The following PECAM1 variants were observed in gnomAD, a reference collection of about 807,000 sequenced individuals.
The protein encoded by PECAM1 is platelet endothelial cell adhesion molecule.
A neutral mutation model predicts 13.8 loss-of-function variants in PECAM1; 8 were observed. That is an observed-to-expected ratio of 0.58 (90% confidence interval 0.34 to 1.05). PECAM1 has a LOEUF of 1.05. PECAM1 is among the 50% of genes least tolerant of loss of function. The probability of loss-of-function intolerance (pLI) is 0.03; values close to 1 mark genes in which losing one functional copy is unlikely to be tolerated. For synonymous variants in PECAM1, 136 were observed against 52.6 expected (o/e 2.58, Z -6.86); for missense variants, 304 against 141.2 (o/e 2.15, Z -5.84).
intron 14 of PECAM1, among the ~76,000 whole-genome samples, chr17:64,339,290 C>T (rs903703058): frequency 4.1e-4 from 62 of 152,142 alleles, no homozygotes; most frequent in Non-Finnish European, 7.5e-4. Context: ...GGCTGGCTTG[C>T]TGCGTGATCT....
chr17:64,328,259 G>GTCTCCT (rs199802004), intron 15 of PECAM1, among the ~76,000 whole-genome samples: 10,757 of 152,284 alleles, frequency 0.071, 479 homozygotes, highest in Non-Finnish European at 0.11. Context: ...TATCGCTTCA[G>GTCTCCT]GAGAACACAT....
Position 64,341,778 on chromosome 17 carries a change from C to T in PECAM1, c.2108-88G>A, listed in dbSNP as rs1234939420. 5 of 408,684 alleles carry T rather than the reference C, an allele frequency of 1.2e-5. No homozygotes were observed. In the East Asian group the frequency reaches 1.8e-4, roughly 15 times the overall value. The allele number at this position is 408,684 out of a possible 1,614,324, so 25.3% of individuals were successfully genotyped here. ...TCATAGGAAAAGGTCTGAGGCTCTGCAGGCAAGGCTGTACCCCACCACTGC... is the reference window on the plus strand; with the variant it reads ...TCATAGGAAAAGGTCTGAGGCTCTGTAGGCAAGGCTGTACCCCACCACTGC... On this transcript the variant is annotated intron_variant, in intron 13 of 15. Transcript: ENST00000563924.
chr17:64,324,379 A>T (rs1295729098), intron 15 of PECAM1, among the ~76,000 whole-genome samples: 1 of 152,064 alleles, frequency 6.6e-6, no homozygotes, highest in Non-Finnish European at 1.5e-5. Flanking sequence ...TCCTGCCCGT[A>T]TGTATTTCTC....
intron 5 of PECAM1, among the ~76,000 whole-genome samples, chr17:64,364,378 C>T (rs572626230): frequency 2.0e-5 from 3 of 151,820 alleles, no homozygotes. Flanking sequence ...GATTCACAGC[C>T]GAATTCTACC....
At chr17:64,363,463 A>G (rs1413606470) in intron 5 of PECAM1, 66 bp from the exon 6 acceptor site, 5 of 472,786 alleles carry the variant, frequency 1.1e-5, no homozygotes, top group Non-Finnish European at 1.9e-5. Flanking sequence ...CCCTTCCTGG[A>G]GAGGCCCTTG....
At chr17:64,331,634 T>C (rs984465330) in intron 14 of PECAM1, among the ~76,000 whole-genome samples, 2 of 152,216 alleles carry the variant, frequency 1.3e-5, no homozygotes, top group Admixed American at 1.3e-4. Flanking sequence ...AGGTGGTGGG[T>C]GATCCCTGCC....
At position 64,322,404 on chromosome 17, in the gene PECAM1, A is replaced by G; in HGVS notation, c.*1412T>C. On this transcript the variant is annotated 3_prime_UTR_variant, in exon 16 of 16. Transcript: ENST00000563924. ...TCCGTCTCAAAACAACAAAACAAAA[A>G]CATAGACCTGCTCGGTTCTCTCTGT... The G allele has an allele frequency of 1.0e-6, 1 of 986,764 alleles. No homozygotes were observed. The highest frequency in any genetic ancestry group is 1.7e-5 in the African/African-American group (1 of 57,314). The allele number at this position is 986,764 out of a possible 1,614,324, so 61.1% of individuals were successfully genotyped here.
chr17:64,377,623 A>AGGAAGGAAGGAAGGAAGGAAGGAAGGAC, intron 3 of PECAM1: 1 of 378,074 alleles, frequency 2.6e-6, no homozygotes, highest in Non-Finnish European at 4.7e-6. Context: ...AAAGAAAGGA[A>AGGAAGGAAGGAAGGAAGGAAGGAAGGAC]GGAAGGAAGG....
intron 2 of PECAM1, among the ~76,000 whole-genome samples, chr17:64,386,403 CAAAA>C (rs59994359): frequency 0.047 from 5,288 of 113,078 alleles, 309 homozygotes; most frequent in African/African-American, 0.16. Flanking sequence ...GAGACTCTGT[CAAAA>C]AAAAAAAAAA....
Position 64,378,032 on chromosome 17 carries a change from C to T in PECAM1, c.177G>A (p.Ala59=), listed in dbSNP as rs1292330447. ...TGACGTGAGAGGTGGTGCTGACATC[C>T]GCGAAGCACTGCAGGGTCAGGTTCT... ...NGKNLTLQCF[A]DVSTTSHVKP... The change falls in exon 3 of 16, where the codon GCG becomes GCA. Residue 59 remains alanine, a synonymous_variant. Transcript: ENST00000563924. 4 of 475,202 alleles carry T rather than the reference C, an allele frequency of 8.4e-6. No individual in the cohort carries two copies. Among genetic ancestry groups the T allele is most frequent in the East Asian group, 6.2e-5 (2 of 32,052 alleles). 29.4% of individuals were successfully genotyped at this position (475,202 alleles called of 1,614,324 possible). A position where few individuals can be genotyped will look rare whatever the true frequency, so the allele number is the denominator to read the frequency against.
At chr17:64,386,470 C>T (rs1450417944) in intron 2 of PECAM1, among the ~76,000 whole-genome samples, 6 of 150,426 alleles carry the variant, frequency 4.0e-5, no homozygotes, top group African/African-American at 1.5e-4. Flanking sequence ...GGTTGCACAA[C>T]ACCGTGAATG....
intron 4 of PECAM1, 180 bp from the exon 5 acceptor site, chr17:64,370,205 G>A (rs1465518054): frequency 6.7e-5 from 26 of 386,670 alleles, no homozygotes; most frequent in African/African-American, 3.9e-4. Context: ...CTCCCTTCTC[G>A]CTCACTCTTG....
At chr17:64,358,398 C>T (rs1285793767) in intron 7 of PECAM1, among the ~76,000 whole-genome samples, 3 of 152,130 alleles carry the variant, frequency 2.0e-5, no homozygotes, top group African/African-American at 4.8e-5. Context: ...GGATTATAGG[C>T]GTGAGCCACC....
intron 7 of PECAM1, among the ~76,000 whole-genome samples, chr17:64,359,024 C>T (rs1458006755): frequency 6.6e-6 from 1 of 152,084 alleles, no homozygotes; most frequent in Non-Finnish European, 1.5e-5. Context: ...TCTCGAATTC[C>T]TGACCTCAGG....
rs1438933960 is a variant in PECAM1, at chr17:64,390,643, C to T, written c.23G>A (p.Gly8Glu). The change falls in exon 1 of 16, where the codon GGG becomes GAG. Residue 8 changes from glycine (G) to glutamate (E), a missense_variant. Gly to Glu is a moderately conservative substitution (Grantham distance 98). Coordinates refer to ENST00000563924, the MANE Select transcript of PECAM1 (RefSeq NM_000442.5). MQPRWAQ[G>E]ATMWLGVLLT... ...CAGGACTCCAAGCCACATCGTGGCC[C>T]CTTGGGCCCACCTCGGCTGCATCCT... 4.2e-5 allele frequency: 20 copies of T among 470,878 alleles called. No individual in the cohort carries two copies. Among genetic ancestry groups the T allele is most frequent in the Middle Eastern group, 6.0e-4 (1 of 1,670 alleles). 29.2% of individuals were successfully genotyped at this position (470,878 alleles called of 1,614,324 possible).
chr17:64,381,077 T>C (rs2036471964), intron 2 of PECAM1, among the ~76,000 whole-genome samples: 1 of 152,162 alleles, frequency 6.6e-6, no homozygotes, highest in Non-Finnish European at 1.5e-5. Context: ...GGAGGGGCTA[T>C]GGGGTAGGGA....
At chr17:64,370,191 C>T (rs1428045957) in intron 4 of PECAM1, 166 bp from the exon 5 acceptor site, 9 of 393,530 alleles carry the variant, frequency 2.3e-5, no homozygotes, top group Non-Finnish European at 4.0e-5. Flanking sequence ...TGCTCTCATA[C>T]TCCCTCCCTT....
intron 13 of PECAM1, among the ~76,000 whole-genome samples, chr17:64,345,059 C>A (rs3934468): frequency 0.8 from 121,206 of 152,172 alleles, 54,418 homozygotes; most frequent in East Asian, 1. Context: ...GCTTTGTTGC[C>A]CAGGCTGGTC....
chr17:64,348,065 C>T (rs1044689393), intron 13 of PECAM1, among the ~76,000 whole-genome samples, 195 bp downstream of exon 13: 11 of 152,178 alleles, frequency 7.2e-5, no homozygotes, highest in Non-Finnish European at 1.0e-4. Context: ...TGAAATTTTA[C>T]AGCTCAGAGA....
Sources: allele counts gnomAD v4.1 joint callset (sites outside exome capture counted in the v4.1 genomes callset), GRCh38; gene constraint gnomAD v4.1.1; transcripts MANE v1.5; gene names NCBI Gene and HGNC (gene_info 2026-07-23, HGNC 2026-07-21).